MID1: variants seen among roughly 807,000 people sequenced by gnomAD.
MID1 encodes midline 1, also known as E3 ubiquitin-protein ligase Midline-1.
A neutral mutation model predicts 40.4 loss-of-function variants in MID1; 7 were observed. The ratio of observed to expected loss-of-function variants is 0.17; its 90% CI spans 0.10 to 0.33. The LOEUF (loss-of-function observed/expected upper bound fraction) is 0.33, where lower values mean the gene tolerates loss of function less well. Ranked by LOEUF, MID1 falls within the 10% of genes least tolerant of loss-of-function variation. MID1 has a pLI of 1.00. For synonymous variants in MID1, 229 were observed against 221.2 expected (o/e 1.04, Z -0.31); for missense variants, 367 against 558.5 (o/e 0.66, Z 3.46).
intron 1 of MID1, among the ~76,000 whole-genome samples, chrX:10,699,555 C>G (rs1018906835): frequency 2.7e-5 from 3 of 111,539 alleles, no homozygotes; most frequent in African/African-American, 9.8e-5. Context: ...TTCTCTGGCC[C>G]TGTATTGATA....
At chrX:10,704,737 T>TACACACAC (rs1463296582) in intron 1 of MID1, among the ~76,000 whole-genome samples, 204 of 86,604 alleles carry the variant, frequency 2.4e-3, no homozygotes, top group African/African-American at 7.1e-3. Context: ...TATATATATA[T>TACACACAC]ATACACACAC....
intron 1 of MID1, among the ~76,000 whole-genome samples, chrX:10,784,471 A>G (rs2043867491): frequency 1.1e-5 from 1 of 93,924 alleles, no homozygotes; most frequent in Non-Finnish European, 2.1e-5. Flanking sequence ...TTTGAGACAG[A>G]GTCTCACTCT....
At chrX:10,727,040 C>T (rs899435270) in intron 1 of MID1, among the ~76,000 whole-genome samples, 5 of 113,039 alleles carry the variant, frequency 4.4e-5, no homozygotes, top group Admixed American at 3.7e-4. Flanking sequence ...AGTCAAATCT[C>T]CATTTATGTA....
chrX:10,714,720 G>A (rs905131258), intron 1 of MID1, among the ~76,000 whole-genome samples: 12 of 111,746 alleles, frequency 1.1e-4, no homozygotes, highest in South Asian at 3.7e-4. Flanking sequence ...CAAACATAAC[G>A]AAAAGAGAAT....
At chrX:10,509,232 A>G (rs535075046) in intron 3 of MID1, among the ~76,000 whole-genome samples, 137 of 111,008 alleles carry the variant, frequency 1.2e-3, no homozygotes, top group Middle Eastern at 9.3e-3. Flanking sequence ...CTAATTTTGA[A>G]GTTGTGGTGA....
At chrX:10,512,631 A>G (rs1932214032) in intron 3 of MID1, among the ~76,000 whole-genome samples, 1 of 112,008 alleles carries the variant, frequency 8.9e-6, no homozygotes, top group Non-Finnish European at 1.9e-5. Flanking sequence ...GATCTATGCA[A>G]TAATGCTCCC....
intron 1 of MID1, among the ~76,000 whole-genome samples, chrX:10,672,008 T>A (rs908325184): frequency 2.1e-4 from 24 of 111,628 alleles, no homozygotes; most frequent in African/African-American, 7.5e-4. Flanking sequence ...GTGGACCGCT[T>A]GAGCCCAGGA....
chrX:10,635,149 T>G (rs1936095636), intron 1 of MID1, among the ~76,000 whole-genome samples: 2 of 112,421 alleles, frequency 1.8e-5, no homozygotes, highest in Admixed American at 1.9e-4. Flanking sequence ...AAGCATAACC[T>G]GCCCCAGAGA....
intron 2 of MID1, among the ~76,000 whole-genome samples, chrX:10,537,234 G>GC (rs1933295130): frequency 9.0e-6 from 1 of 111,268 alleles, no homozygotes; most frequent in Admixed American, 9.6e-5. Flanking sequence ...AGGGCAACCA[G>GC]CCAGCAGAGG....
intron 1 of MID1, among the ~76,000 whole-genome samples, chrX:10,800,873 G>T (rs2044001667): frequency 8.9e-6 from 1 of 111,828 alleles, no homozygotes; most frequent in African/African-American, 3.2e-5. Flanking sequence ...AGGAGTTTTA[G>T]AAATAATTTG....
chrX:10,791,829 TA>T (rs1232830617), intron 1 of MID1, among the ~76,000 whole-genome samples: 1 of 111,875 alleles, frequency 8.9e-6, no homozygotes, highest in Non-Finnish European at 1.9e-5. Context: ...ATATTTGCAA[TA>T]CTTCAGGTAA....
intron 2 of MID1, among the ~76,000 whole-genome samples, chrX:10,539,099 T>C (rs945448779): frequency 2.7e-5 from 3 of 112,401 alleles, no homozygotes; most frequent in African/African-American, 9.7e-5. Context: ...CTGACAGGTA[T>C]AAGATGATTT....
In MID1 at chrX:10,603,945, C is replaced by T. The variant is rs371775305; in HGVS notation, c.-57+16345G>A. On this transcript the variant is annotated intron_variant, in intron 1 of 9. Coordinates refer to ENST00000317552, the MANE Select transcript of MID1 (RefSeq NM_000381.4). The stretch of plus-strand genomic sequence containing the variant: ...GTGGCAAGGGTGATGATAAGGAACC[C>T]GGCTGGGGAGAATTTTTGGCTTAAA... Among the ~76,000 whole-genome samples the T allele has an allele frequency of 2.7e-3, 303 of 111,348 alleles. 7 individuals carry two copies. The South Asian group carries it at 0.11, about 39-fold the overall frequency.
intron 1 of MID1, among the ~76,000 whole-genome samples, chrX:10,765,207 C>CT (rs2043712041): frequency 8.9e-6 from 1 of 112,058 alleles, no homozygotes; most frequent in Non-Finnish European, 1.9e-5. Context: ...CTTGTGAAGA[C>CT]CTCCATGATA....
intron 1 of MID1, among the ~76,000 whole-genome samples, chrX:10,604,866 T>G (rs1184188449): frequency 8.9e-6 from 1 of 112,559 alleles, no homozygotes; most frequent in South Asian, 3.6e-4. Flanking sequence ...TTGAGGAAAA[T>G]TCAAACCTTC....
chrX:10,731,669 A>G lies in MID1; in HGVS notation c.-187+101885T>C, dbSNP rs774256310. 1.4e-3 allele frequency among the ~76,000 whole-genome samples: 154 copies of G among 111,581 alleles called. 1 individual carries two copies. The highest frequency in any genetic ancestry group is 4.8e-3 in the African/African-American group (148 of 30,764). On this transcript the variant is annotated intron_variant, in intron 1 of 10. Coordinates refer to the MID1 transcript ENST00000380785. ...CTTAGGTAGCTAATTTAAAAAGACT[A>G]AATTAGGGCTGGGGGCGGTGGCTCA... is the stretch of plus-strand genomic sequence containing the variant.
chrX:10,650,193 T>C (rs1368143576), intron 1 of MID1, among the ~76,000 whole-genome samples: 1 of 111,643 alleles, frequency 9.0e-6, no homozygotes, highest in Non-Finnish European at 1.9e-5. Context: ...AGCTTGATTT[T>C]AACCTTGGAG....
In MID1 at chrX:10,737,328, C is replaced by G. The variant is rs574962149; in HGVS notation, c.-187+96226G>C. 1.3e-4 allele frequency among the ~76,000 whole-genome samples: 15 copies of G among 112,678 alleles called. No homozygotes were observed. The South Asian group carries it at 5.1e-3, about 38-fold the overall frequency. ...TACACCAGGTCCCTGAAAAACAAGG[C>G]ACTATTATGCTCAAGGGATGCTAGC... On this transcript the variant is annotated intron_variant, in intron 1 of 10. Coordinates refer to the MID1 transcript ENST00000380785.
At chrX:10,484,550 T>C (rs773817066) in intron 4 of MID1, among the ~76,000 whole-genome samples, 1 of 111,729 alleles carries the variant, frequency 9.0e-6, no homozygotes, top group East Asian at 2.8e-4. Context: ...CCTGTGAAAA[T>C]ATCGGAATGT....
Sources: allele counts gnomAD v4.1 joint callset (sites outside exome capture counted in the v4.1 genomes callset), GRCh38; gene constraint gnomAD v4.1.1; transcripts MANE v1.5; gene names NCBI Gene and HGNC (gene_info 2026-07-23, HGNC 2026-07-21).